The following MICU3 variants were observed in gnomAD, a reference collection of about 807,000 sequenced individuals.
MICU3 encodes the protein calcium uptake protein 3, mitochondrial.
A neutral mutation model predicts 66.5 loss-of-function variants in MICU3; 62 were observed. The ratio of observed to expected loss-of-function variants is 0.93; its 90% CI spans 0.76 to 1.15. The LOEUF (loss-of-function observed/expected upper bound fraction) is 1.15. Ranked by LOEUF, MICU3 falls within the 50% of genes most tolerant of loss-of-function variation. The pLI, the probability that MICU3 is intolerant of heterozygous loss-of-function variation, is 0.00. For synonymous variants in MICU3, 308 were observed against 240.7 expected, an observed-to-expected ratio of 1.28 and a Z score of -2.59; for missense variants, 779 against 664.4, an observed-to-expected ratio of 1.17 and a Z score of -1.90.
intron 11 of MICU3, among the ~76,000 whole-genome samples, chr8:17,108,165 A>T (rs753241756): frequency 7.2e-5 from 11 of 152,174 alleles, no homozygotes; most frequent in East Asian, 1.9e-4. Flanking sequence ...AAGCAAAACC[A>T]TGAATTTAGG....
At chr8:17,068,740 T>C (rs1819089081) in intron 2 of MICU3, among the ~76,000 whole-genome samples, 1 of 152,190 alleles carries the variant, frequency 6.6e-6, no homozygotes, top group South Asian at 2.1e-4. Flanking sequence ...AAGAAAAAAC[T>C]ACACAGCAAA....
intron 8 of MICU3, among the ~76,000 whole-genome samples, chr8:17,094,046 CT>C (rs145047826): frequency 0.011 from 1,632 of 152,106 alleles, 25 homozygotes; most frequent in African/African-American, 0.036. Flanking sequence ...ACAATCATGA[CT>C]TTTATGTAAA....
intron 1 of MICU3, among the ~76,000 whole-genome samples, chr8:17,038,845 C>T (rs1427842626): frequency 4.6e-5 from 7 of 151,506 alleles, no homozygotes; most frequent in East Asian, 1.9e-4. Context: ...CCCAGCTGCT[C>T]GGGAGGCTGA....
chr8:17,035,608 A>G (rs1171642245), intron 1 of MICU3, among the ~76,000 whole-genome samples: 2 of 152,188 alleles, frequency 1.3e-5, no homozygotes, highest in East Asian at 1.9e-4. Flanking sequence ...TGAACTTGAG[A>G]GAGATAATTT....
At chr8:17,137,301 A>C in the MICU3 span, among the ~76,000 whole-genome samples, 1 of 152,056 alleles carries the variant, frequency 6.6e-6, no homozygotes, top group Non-Finnish European at 1.5e-5. Context: ...TTGCATTTAA[A>C]ACTGGCATTG....
At chr8:17,033,562 G>A (rs983421727) in intron 1 of MICU3, among the ~76,000 whole-genome samples, 2 of 152,006 alleles carry the variant, frequency 1.3e-5, no homozygotes, top group East Asian at 3.9e-4. Flanking sequence ...TCAGCCTCCC[G>A]AGTAGCTGGG....
At chr8:17,104,627 C>A (rs1029405668) in intron 10 of MICU3, 136 bp downstream of exon 10, 2 of 417,696 alleles carry the variant, frequency 4.8e-6, no homozygotes, top group Admixed American at 8.4e-5. Flanking sequence ...ATAATAAATA[C>A]CCACATTTAT....
At chr8:17,051,078 C>T (rs902901593) in intron 1 of MICU3, among the ~76,000 whole-genome samples, 2 of 152,070 alleles carry the variant, frequency 1.3e-5, no homozygotes, top group Admixed American at 1.3e-4. Flanking sequence ...ACATCTGAAA[C>T]TTGAGGAAAA....
At chr8:17,126,520 C>T (rs944006525), downstream of MICU3, among the ~76,000 whole-genome samples, 15 of 152,146 alleles carry the variant, frequency 9.9e-5, no homozygotes, top group African/African-American at 3.6e-4. Flanking sequence ...GAAGTACCCA[C>T]AAGGAACTTA....
chr8:17,135,283 C>T, the MICU3 span, among the ~76,000 whole-genome samples: 2 of 151,792 alleles, frequency 1.3e-5, no homozygotes, highest in Non-Finnish European at 2.9e-5. Context: ...GGAGTAGTCC[C>T]GCTACTCGGG....
At chr8:17,028,541 C>T (rs1426333163) in intron 1 of MICU3, among the ~76,000 whole-genome samples, 1 of 152,064 alleles carries the variant, frequency 6.6e-6, no homozygotes, top group African/African-American at 2.4e-5. Context: ...ATGTGAACGG[C>T]GTAGATGAAA....
At chr8:17,099,142 T>A (rs1456923069) in intron 9 of MICU3, among the ~76,000 whole-genome samples, 1 of 151,688 alleles carries the variant, frequency 6.6e-6, no homozygotes, top group Non-Finnish European at 1.5e-5. Context: ...GTGGGCTGCT[T>A]CCATTATCCC....
At chr8:17,054,424 C>G (rs1816576775) in intron 1 of MICU3, among the ~76,000 whole-genome samples, 1 of 151,944 alleles carries the variant, frequency 6.6e-6, no homozygotes, top group Admixed American at 6.6e-5. Flanking sequence ...TATTTTGTTT[C>G]TGTTACTTAG....
chr8:17,135,873 A>T, the MICU3 span, among the ~76,000 whole-genome samples: 46 of 152,052 alleles, frequency 3.0e-4, no homozygotes, highest in Non-Finnish European at 2.9e-4. Context: ...TGACCTCCAG[A>T]TGTAATATAT....
chr8:17,061,537 A>G (rs1015760081), intron 1 of MICU3, among the ~76,000 whole-genome samples: 3 of 152,144 alleles, frequency 2.0e-5, no homozygotes, highest in Non-Finnish European at 4.4e-5. Context: ...GATCAAATAT[A>G]GATGTTATAG....
intron 10 of MICU3, among the ~76,000 whole-genome samples, chr8:17,105,038 G>C (rs925266224): frequency 1.3e-5 from 2 of 151,072 alleles, no homozygotes; most frequent in Non-Finnish European, 3.0e-5. Flanking sequence ...CAGATATCTG[G>C]ATTGATTGTT....
intron 13 of MICU3, among the ~76,000 whole-genome samples, chr8:17,117,954 C>G (rs535917719): frequency 1.3e-5 from 2 of 152,282 alleles, no homozygotes; most frequent in East Asian, 1.9e-4. Flanking sequence ...TCCAAAACCT[C>G]AAGATTCATC....
intron 7 of MICU3, among the ~76,000 whole-genome samples, chr8:17,090,067 T>C (rs548716873): frequency 7.2e-5 from 11 of 152,152 alleles, no homozygotes; most frequent in Middle Eastern, 3.4e-3. Context: ...AGGTAAGTAT[T>C]ATACCTGCTT....
At chr8:17,066,544 T>TATATATATATATA (rs1491234403) in intron 2 of MICU3, among the ~76,000 whole-genome samples, 15 of 61,484 alleles carry the variant, frequency 2.4e-4, no homozygotes, top group African/African-American at 1.5e-3. Flanking sequence ...TATATATAGA[T>TATATATATATATA]TTTTTTTTTT....
Sources: gnomAD v4.1 joint callset for allele counts (sites outside exome capture counted in the v4.1 genomes callset) on GRCh38, gnomAD v4.1.1 for gene constraint, MANE v1.5 for transcripts, NCBI Gene and HGNC (gene_info 2026-07-23, HGNC 2026-07-21) for gene names.